NTAN1: variants seen among roughly 807,000 people sequenced by gnomAD.
NTAN1 encodes N-terminal asparagine amidase.
In NTAN1, 32 loss-of-function variants were observed where a neutral mutation model predicts 41.9. The ratio of observed to expected loss-of-function variants is 0.76; its 90% CI spans 0.58 to 1.03. The LOEUF (loss-of-function observed/expected upper bound fraction) is 1.03. Ranked by LOEUF, NTAN1 falls within the 50% of genes least tolerant of loss-of-function variation. The pLI, the probability that NTAN1 is intolerant of heterozygous loss-of-function variation, is 0.00. For synonymous variants in NTAN1, 140 were observed against 139.5 expected (o/e 1.00, Z -0.03); for missense variants, 377 against 377.5 (o/e 1.00, Z 0.01).
intron 1 of NTAN1, 135 bp from the exon 2 acceptor site, chr16:15,048,234 G>T (rs2044154977): frequency 3.2e-6 from 2 of 625,972 alleles, no homozygotes; most frequent in Admixed American, 3.0e-5. Flanking sequence ...TGGACAGAGA[G>T]GCTCAAAGAA....
In NTAN1 at chr16:15,055,984, C is replaced by T; in HGVS notation, c.-13G>A. ...CGAGCAGCGGCATCGCGGAGGCGGC[C>T]GCCCAGGCAGGCCCAGGGAGGCGGC... On this transcript the variant is annotated 5_prime_UTR_variant, in exon 1 of 10. Transcript: ENST00000287706. 4 of 1,214,480 alleles carry T rather than the reference C, an allele frequency of 3.3e-6. No individual in the cohort carries two copies. Among genetic ancestry groups the T allele is most frequent in the South Asian group, 4.1e-5 (1 of 24,382 alleles). 75.2% of individuals were successfully genotyped at this position (1,214,480 alleles called of 1,614,324 possible). A position where few individuals can be genotyped will look rare whatever the true frequency, so the allele number is the denominator to read the frequency against.
At chr16:15,052,260 A>AGTTTTAATTTCAATACCATTTCCCAT (rs1218528395) in intron 1 of NTAN1, among the ~76,000 whole-genome samples, 3 of 152,218 alleles carry the variant, frequency 2.0e-5, no homozygotes, top group African/African-American at 7.2e-5. Context: ...GTGACACCGA[A>AGTTTTAATTTCAATACCATTTCCCAT]GTTTTAATTT....
intron 1 of NTAN1, among the ~76,000 whole-genome samples, chr16:15,049,080 G>C (rs891413633): frequency 6.8e-6 from 1 of 147,300 alleles, no homozygotes; most frequent in African/African-American, 2.5e-5. Flanking sequence ...TTTTTGTAGC[G>C]ACGGGGTCTC....
intron 5 of NTAN1, among the ~76,000 whole-genome samples, chr16:15,044,048 G>T (rs983957724): frequency 1.8e-4 from 27 of 152,156 alleles, no homozygotes; most frequent in African/African-American, 6.5e-4. Context: ...TGCCAGGAGG[G>T]AGGGTGGCTC....
At chr16:15,038,807 C>CCTGT (rs2043670869) in intron 8 of NTAN1, 120 bp from the exon 9 acceptor site, 2 of 603,316 alleles carry the variant, frequency 3.3e-6, no homozygotes, top group African/African-American at 3.7e-5. Flanking sequence ...CTTCTTAAAA[C>CCTGT]CTGTCTCAAA....
intron 5 of NTAN1, among the ~76,000 whole-genome samples, chr16:15,043,717 A>G (rs965537209): frequency 3.9e-5 from 6 of 152,184 alleles, no homozygotes; most frequent in African/African-American, 1.4e-4. Flanking sequence ...TAAGAGGCCG[A>G]GGCAGGTGCA....
At position 15,048,063 on chromosome 16, in the gene NTAN1, G is replaced by A; in HGVS notation, c.118C>T (p.Gln40Ter). 1 of 1,612,710 alleles carries A rather than the reference G, an allele frequency of 6.2e-7. No individual in the cohort carries two copies. Among genetic ancestry groups the A allele is most frequent in the Non-Finnish European group, 8.5e-7 (1 of 1,178,772 alleles). The change falls in exon 2 of 10, where the codon CAA (glutamine) becomes TAA (stop). Residue 40 changes from glutamine (Q) to a stop codon, truncating the protein, a stop_gained. Coordinates refer to ENST00000287706, the MANE Select transcript of NTAN1 (RefSeq NM_173474.4). LOFTEE classifies it high-confidence loss of function. Reference sequence around the variant, plus strand: ...TACAGAAGGCCCTGGGGTCCCACTTGTTGAACAGACTGACCTCTGAGAAGT... The same window carrying A: ...TACAGAAGGCCCTGGGGTCCCACTTATTGAACAGACTGACCTCTGAGAAGT... ...ARLLRGQSVQ[Q>*]VGPQGLLYVQ...
chr16:15,055,655 C>G (rs1056380561), intron 1 of NTAN1: 2 of 354,772 alleles, frequency 5.6e-6, no homozygotes, highest in African/African-American at 4.2e-5. Flanking sequence ...GTCACCTAAC[C>G]TCTCTGGGCC....
In NTAN1 at chr16:15,038,008, C is replaced by T; in HGVS notation, c.*23G>A. ...AATGGTCTGTCAGGCCAAGAAGGTG[C>T]TTTCTTTGGTAATTCATGTTTTTTA... is the stretch of plus-strand genomic sequence containing the variant. On this transcript the variant is annotated 3_prime_UTR_variant, in exon 10 of 10. Transcript: ENST00000287706. The T allele has an allele frequency of 6.3e-7, 1 of 1,592,458 alleles. No individual in the cohort carries two copies. The highest frequency in any genetic ancestry group is 1.1e-5 in the South Asian group (1 of 89,412).
In NTAN1 at chr16:15,038,026, G is replaced by GTTT. The variant is rs762768026; in HGVS notation, c.*2_*4dup. On this transcript the variant is annotated 3_prime_UTR_variant, in exon 10 of 10. Transcript: ENST00000287706. Reference sequence around the variant, plus strand: ...GAAGGTGCTTTCTTTGGTAATTCATGTTTTTTAACTTCCTGGAGAAGAGAT... The same window carrying GTTT: ...GAAGGTGCTTTCTTTGGTAATTCATGTTTTTTTTTAACTTCCTGGAGAAGAGAT... 6.8e-6 allele frequency: 11 copies of GTTT among 1,607,748 alleles called. No individual in the cohort carries two copies. Among genetic ancestry groups the GTTT allele is most frequent in the Non-Finnish European group, 8.5e-6 (10 of 1,177,090 alleles).
chr16:15,039,889 T>TAA, intron 8 of NTAN1, 80 bp downstream of exon 8: 2 of 797,132 alleles, frequency 2.5e-6, no homozygotes, highest in East Asian at 4.9e-5. Context: ...TAAACTTTTC[T>TAA]AAGATCCCAA....
chr16:15,040,053 C>T lies in NTAN1; in HGVS notation c.555G>A (p.Lys185=). 1 of 1,605,526 alleles carries T rather than the reference C, an allele frequency of 6.2e-7. No homozygotes were observed. Among genetic ancestry groups the T allele is most frequent in the Non-Finnish European group, 8.5e-7 (1 of 1,172,664 alleles). Residue 185 remains lysine (K), a synonymous_variant, in exon 8 of 10, where the codon AAG becomes AAA. Transcript: ENST00000287706. The part of the protein sequence containing the change: ...PVIYGIAVNI[K]TAEIYRASFQ... ...AGGATGCTCTGTAAATCTCTGCAGT[C>T]TTAATGTTGACAGCTGTGAGGGACA... is the stretch of plus-strand genomic sequence containing the variant.
intron 8 of NTAN1, 41 bp from the exon 9 acceptor site, chr16:15,038,728 AC>A: frequency 8.6e-7 from 1 of 1,159,852 alleles, no homozygotes; most frequent in Non-Finnish European, 1.3e-6. Flanking sequence ...CAGGAATGTC[AC>A]CCACTTTTCA....
chr16:15,049,244 G>C (rs916645048), intron 1 of NTAN1, among the ~76,000 whole-genome samples: 6 of 152,106 alleles, frequency 3.9e-5, no homozygotes, highest in African/African-American at 1.4e-4. Context: ...GCCCAGGCTG[G>C]TCTCAAACTC....
intron 1 of NTAN1, among the ~76,000 whole-genome samples, chr16:15,054,626 A>ACAGAGCTGTCTGCCTTCTC (rs2044427092): frequency 6.6e-6 from 1 of 152,162 alleles, no homozygotes; most frequent in Non-Finnish European, 1.5e-5. Flanking sequence ...TGAGAATCAC[A>ACAGAGCTGTCTGCCTTCTC]CAGAGCTGTC....
At position 15,041,906 on chromosome 16, in the gene NTAN1, G is replaced by A. The variant is rs181306213; in HGVS notation, c.434-230C>T. ...CACATTCTCAGCCTCAGGCCCGAAGGAGCCTGGGCTGAGCCTTCCCATTTT... is the reference window on the plus strand; with the variant it reads ...CACATTCTCAGCCTCAGGCCCGAAGAAGCCTGGGCTGAGCCTTCCCATTTT... On this transcript the variant is annotated intron_variant, in intron 5 of 9. Transcript: ENST00000287706. Among the ~76,000 whole-genome samples the A allele has an allele frequency of 2.4e-3, 363 of 152,306 alleles. 1 individual carries two copies. Among genetic ancestry groups the A allele is most frequent in the African/African-American group, 8.4e-3 (350 of 41,566 alleles).
At chr16:15,054,213 T>C (rs2044409488) in intron 1 of NTAN1, among the ~76,000 whole-genome samples, 1 of 152,208 alleles carries the variant, frequency 6.6e-6, no homozygotes, top group Non-Finnish European at 1.5e-5. Context: ...GCATCCTTCT[T>C]CACTTACACT....
rs767822510 is a variant in NTAN1 at position 15,038,668 on chromosome 16, G to A, written c.659C>T (p.Ala220Val). 8.4e-5 allele frequency: 133 copies of A among 1,585,218 alleles called. No homozygotes were observed. Among genetic ancestry groups the A allele is most frequent in the Non-Finnish European group, 1.1e-4 (130 of 1,156,940 alleles). ...TCCTATACGAAGTTGTTCTGTCTCT[G>A]CATCATAAATGCTAATCATCTAAAA... ...AGGPMISIYD[A>V]ETEQLRIGPY... The change falls in exon 9 of 10, where the codon GCA becomes GTA. Residue 220 changes from alanine to valine, a missense_variant. By Grantham distance (64) the Ala-to-Val change is moderately conservative. Transcript: ENST00000287706.
intron 8 of NTAN1, among the ~76,000 whole-genome samples, chr16:15,039,506 C>T (rs564049230): frequency 2.6e-5 from 4 of 152,220 alleles, no homozygotes; most frequent in African/African-American, 9.6e-5. Flanking sequence ...TAATTAAGCA[C>T]CCTAAGGGAA....
Sources: gnomAD v4.1 joint callset for allele counts (sites outside exome capture counted in the v4.1 genomes callset) on GRCh38, gnomAD v4.1.1 for gene constraint, MANE v1.5 for transcripts, NCBI Gene and HGNC (gene_info 2026-07-23, HGNC 2026-07-21) for gene names.